The following COA8 variants were observed in gnomAD, a reference collection of about 807,000 sequenced individuals.
The protein encoded by COA8 is UPF0671 protein C14orf153.
COA8 carries 20 observed loss-of-function variants against 22.0 expected under a neutral mutation model. The observed-to-expected ratio is 0.91, with a 90% CI of 0.64 to 1.32. The LOEUF is 1.32. Among genes scored for constraint, COA8 ranks in the 40% most tolerant of loss-of-function variants. COA8 has a pLI of 0.00. For missense variants in COA8, 266 were observed against 230.0 expected, an observed-to-expected ratio of 1.16 and a Z score of -1.01; for synonymous variants, 105 against 79.9, an observed-to-expected ratio of 1.31 and a Z score of -1.68.
At chr14:103,567,518 T>C (rs1419148455) in intron 1 of COA8, 1 of 152,082 alleles carries the variant, frequency 6.6e-6, no homozygotes, top group Admixed American at 6.6e-5. Flanking sequence ...TAGTCAGCAC[T>C]GGCAATTTTT....
intron 3 of COA8, 123 bp downstream of exon 3, chr14:103,574,293 G>T: frequency 1.5e-6 from 2 of 1,301,100 alleles, no homozygotes; most frequent in Non-Finnish European, 2.2e-6. Context: ...CTGCTTTGGG[G>T]CAGTGCTCGG....
At chr14:103,584,393 C>T (rs890487412) in intron 3 of COA8, among the ~76,000 whole-genome samples, 7 of 152,126 alleles carry the variant, frequency 4.6e-5, no homozygotes, top group African/African-American at 1.4e-4. Context: ...TCTTTCCGGC[C>T]CCCATCCCGA....
chr14:103,570,019 G>A (rs1163720975), intron 1 of COA8, among the ~76,000 whole-genome samples: 1 of 152,052 alleles, frequency 6.6e-6, no homozygotes, highest in Non-Finnish European at 1.5e-5. Context: ...ACCACGCATG[G>A]CTAATTTTTG....
chr14:103,563,525 G>A (rs879499320), intron 1 of COA8: 10 of 352,528 alleles, frequency 2.8e-5, no homozygotes, highest in Non-Finnish European at 4.9e-5. Flanking sequence ...CAAGCGGCGA[G>A]CACTTTATCA....
chr14:103,577,496 C>G (rs2076237831), intron 3 of COA8, among the ~76,000 whole-genome samples: 1 of 152,172 alleles, frequency 6.6e-6, no homozygotes, highest in East Asian at 1.9e-4. Context: ...AGCAGAAAAT[C>G]CTCAGCCCCT....
At chr14:103,563,251 A>G (rs1365191655) in intron 1 of COA8, 127 bp downstream of exon 1, 1 of 1,299,256 alleles carries the variant, frequency 7.7e-7, no homozygotes, top group South Asian at 1.3e-5. Flanking sequence ...CTCGCGTCCT[A>G]TCCCGAACAG....
chr14:103,582,930 C>G (rs1423675860), intron 3 of COA8, among the ~76,000 whole-genome samples: 1 of 152,044 alleles, frequency 6.6e-6, no homozygotes, highest in Non-Finnish European at 1.5e-5. Flanking sequence ...CACCTAACCC[C>G]GGCAGCCCAC....
chr14:103,564,097 G>C (rs1480054061), intron 1 of COA8, among the ~76,000 whole-genome samples: 1 of 151,916 alleles, frequency 6.6e-6, no homozygotes, highest in Non-Finnish European at 1.5e-5. Context: ...AGGTTGCTGT[G>C]AGTCGAGATC....
At chr14:103,578,564 A>G (rs1356063822) in intron 3 of COA8, among the ~76,000 whole-genome samples, 1 of 152,190 alleles carries the variant, frequency 6.6e-6, no homozygotes, top group Non-Finnish European at 1.5e-5. Flanking sequence ...TCAGTCTCCT[A>G]AGTATTTATG....
intron 3 of COA8, among the ~76,000 whole-genome samples, chr14:103,575,892 G>A (rs988337440): frequency 1.1e-4 from 17 of 152,028 alleles, no homozygotes; most frequent in Non-Finnish European, 2.5e-4. Context: ...TTGTAGAGAC[G>A]GAGTTTTGCC....
chr14:103,588,447 C>CAATA (rs1009027054), intron 4 of COA8, among the ~76,000 whole-genome samples: 3 of 148,336 alleles, frequency 2.0e-5, no homozygotes, highest in East Asian at 2.0e-4. Flanking sequence ...GACCCTGTCT[C>CAATA]AATAAATAAA....
chr14:103,576,983 C>A (rs10135840), intron 3 of COA8, among the ~76,000 whole-genome samples: 3,040 of 152,266 alleles, frequency 0.02, 106 homozygotes, highest in African/African-American at 0.068. Flanking sequence ...GGAAAAGCTG[C>A]CACAAATACT....
In COA8 at chr14:103,576,177, T is replaced by G. The variant is rs371232761; in HGVS notation, c.385+2007T>G. 3.9e-5 allele frequency among the ~76,000 whole-genome samples: 6 copies of G among 152,188 alleles called. No homozygotes were observed. In the East Asian group the frequency reaches 7.8e-4, roughly 20 times the overall value. ...AAAAATTAGCTGGTCGTGGTGGCAC[T>G]TGCCTGTAATCCCAGCTACTCAGGA... On this transcript the variant is annotated intron_variant, in intron 3 of 4. Transcript: ENST00000409074.
At chr14:103,568,651 A>G (rs2076156587) in intron 1 of COA8, among the ~76,000 whole-genome samples, 1 of 148,274 alleles carries the variant, frequency 6.7e-6, no homozygotes, top group African/African-American at 2.5e-5. Flanking sequence ...ATATATAGTG[A>G]CAGGGTCTCA....
intron 3 of COA8, 198 bp downstream of exon 3, chr14:103,574,368 C>A: frequency 4.0e-6 from 3 of 743,452 alleles, no homozygotes; most frequent in East Asian, 2.8e-5. Context: ...TCTCAGCTCC[C>A]TCCTTTCTCT....
chr14:103,585,670 G>A (rs1371408679), intron 3 of COA8, among the ~76,000 whole-genome samples: 14 of 140,764 alleles, frequency 9.9e-5, no homozygotes, highest in Admixed American at 2.2e-4. Flanking sequence ...CCACCTCCCG[G>A]GTTCAAGCAA....
At chr14:103,575,980 G>C (rs2076226920) in intron 3 of COA8, among the ~76,000 whole-genome samples, 1 of 151,870 alleles carries the variant, frequency 6.6e-6, no homozygotes, top group South Asian at 2.1e-4. Flanking sequence ...TGGGATTACA[G>C]GCGTGAGCCA....
rs118101458 is a variant in COA8 at position 103,575,030 on chromosome 14, A to T, written c.385+860A>T. Among the ~76,000 whole-genome samples the T allele has an allele frequency of 4.6e-5, 7 of 152,368 alleles. No homozygotes were observed. In the East Asian group the frequency reaches 1.4e-3, roughly 29 times the overall value. On this transcript the variant is annotated intron_variant, in intron 3 of 4. Transcript: ENST00000409074. ...ACAGTGAGAATGTGGCGTGGCCTGGATTCTCACGTCGGGAGTCGGATTGCA... is the reference window on the plus strand; with the variant it reads ...ACAGTGAGAATGTGGCGTGGCCTGGTTTCTCACGTCGGGAGTCGGATTGCA...
intron 3 of COA8, 57 bp downstream of exon 3, chr14:103,574,227 G>T: frequency 1.9e-6 from 3 of 1,605,172 alleles, no homozygotes. Context: ...GCTAGTCCAT[G>T]AAAAGGGAAA....
Sources: allele counts gnomAD v4.1 joint callset (sites outside exome capture counted in the v4.1 genomes callset), GRCh38; gene constraint gnomAD v4.1.1; transcripts MANE v1.5; gene names NCBI Gene and HGNC (gene_info 2026-07-23, HGNC 2026-07-21).